The following NUP205 variants were observed in gnomAD, a reference collection of about 807,000 sequenced individuals.
NUP205 encodes nuclear pore complex protein Nup205.
A neutral mutation model predicts 253.8 loss-of-function variants in NUP205; 76 were observed. The ratio of observed to expected loss-of-function variants is 0.30; its 90% CI spans 0.25 to 0.36. The LOEUF is 0.36. NUP205 is among the 10% of genes least tolerant of loss of function. The probability of loss-of-function intolerance (pLI) is 1.00; values close to 1 mark genes in which losing one functional copy is unlikely to be tolerated. For synonymous variants in NUP205, 832 were observed against 850.1 expected (o/e 0.98, Z 0.37); for missense variants, 2,162 against 2,425.5 (o/e 0.89, Z 2.28).
intron 23 of NUP205, 122 bp from the exon 24 acceptor site, chr7:135,615,794 C>A: frequency 2.0e-6 from 1 of 512,590 alleles, no homozygotes; most frequent in Non-Finnish European, 3.2e-6. Context: ...TATTATGTTG[C>A]TGAGTTTCAT....
chr7:135,610,507 A>T (rs2129490930), intron 22 of NUP205, among the ~76,000 whole-genome samples: 1 of 152,316 alleles, frequency 6.6e-6, no homozygotes, highest in African/African-American at 2.4e-5. Context: ...GGCGTGAGCC[A>T]CCGTGCCCGG....
At chr7:135,583,066 G>A (rs187190131) in intron 7 of NUP205, among the ~76,000 whole-genome samples, 1,655 of 152,214 alleles carry the variant, frequency 0.011, 26 homozygotes, top group African/African-American at 0.037. Flanking sequence ...CTCCAGTCTC[G>A]GCGACAGAGC....
intron 1 of NUP205, among the ~76,000 whole-genome samples, chr7:135,564,864 T>C (rs1805704651): frequency 6.6e-6 from 1 of 151,934 alleles, no homozygotes; most frequent in African/African-American, 2.4e-5. Flanking sequence ...GCCTCCAGGT[T>C]CAAGCGATTC....
intron 1 of NUP205, among the ~76,000 whole-genome samples, chr7:135,570,276 C>T (rs1336354803): frequency 4.6e-5 from 7 of 151,760 alleles, no homozygotes; most frequent in East Asian, 1.9e-4. Context: ...TGCAGTGGCA[C>T]GATCCTGGCT....
rs775676082 is a variant in NUP205, at chr7:135,598,132, C to T, written c.2199C>T (p.Asp733=). Reference sequence around the variant, plus strand: ...CTGGACTGCGGCCCCCTGGCTTTGACCCTTATTTGCAGTTCCTTAGAGACT... The same window carrying T: ...CTGGACTGCGGCCCCCTGGCTTTGATCCTTATTTGCAGTTCCTTAGAGACT... ...LGAGLRPPGF[D]PYLQFLRDSV... is the part of the protein sequence containing the mutation. Residue 733 remains aspartate (D), a synonymous_variant, in exon 15 of 43, where the codon GAC becomes GAT. Transcript: ENST00000285968. The T allele has an allele frequency of 2.0e-5, 33 of 1,614,004 alleles. No homozygotes were observed. Among genetic ancestry groups the T allele is most frequent in the Non-Finnish European group, 2.8e-5 (33 of 1,180,018 alleles).
intron 30 of NUP205, 24 bp downstream of exon 30, chr7:135,619,912 CT>C: frequency 6.9e-7 from 1 of 1,445,298 alleles, no homozygotes; most frequent in Non-Finnish European, 9.6e-7. Context: ...AATTCCTAAT[CT>C]TTTCTGGATT....
Position 135,614,164 on chromosome 7 carries a change from A to G in NUP205, c.3201A>G (p.Ile1067Met), listed in dbSNP as rs150125028. ...TTCTTACTTTAATGCTTTAGGTCAT[A>G]TATCAGTTATGTGCATGCTCTGATA... The part of the protein sequence containing the change: ...PQLAELCYQV[I>M]YQLCACSDTS... Residue 1067 changes from isoleucine to methionine, a missense_variant, in exon 23 of 43, where the codon ATA becomes ATG. Transcript: ENST00000285968. 3 of 1,543,736 alleles carry G rather than the reference A, an allele frequency of 1.9e-6. No individual in the cohort carries two copies. Among genetic ancestry groups the G allele is most frequent in the East Asian group, 2.3e-5 (1 of 44,354 alleles).
chr7:135,604,311 G>C (rs746555300), intron 18 of NUP205, 29 bp from the exon 19 acceptor site: 20 of 1,569,872 alleles, frequency 1.3e-5, no homozygotes, highest in Non-Finnish European at 1.7e-5. Flanking sequence ...TTTTATCACT[G>C]TTCCTCAAAT....
In NUP205 at chr7:135,643,249, A is replaced by G. The variant is rs1794947637; in HGVS notation, c.5450A>G (p.Tyr1817Cys). 1.2e-6 allele frequency: 2 copies of G among 1,613,980 alleles called. No homozygotes were observed. Among genetic ancestry groups the G allele is most frequent in the Non-Finnish European group, 1.7e-6 (2 of 1,179,980 alleles). Residue 1817 changes from tyrosine to cysteine, a missense_variant, in exon 39 of 43, where the codon TAC (tyrosine) becomes TGC (cysteine). Tyr to Cys is a radical substitution (Grantham distance 194, BLOSUM62 -2). Coordinates refer to ENST00000285968, the MANE Select transcript of NUP205 (RefSeq NM_015135.3). ...CTGCCTGGTTTAGGCATTATCATCT[A>G]CCTGCTGAAACAGAGTGCTAATGAT... ...WRLPGLGIIIYLLKQSANDFF... is the reference protein window; with the variant it reads ...WRLPGLGIIICLLKQSANDFF...
At chr7:135,599,409 C>A (rs557756165) in intron 15 of NUP205, among the ~76,000 whole-genome samples, 1 of 151,930 alleles carries the variant, frequency 6.6e-6, no homozygotes, top group African/African-American at 2.4e-5. Flanking sequence ...AAAATAAACA[C>A]TGAGGTGGGG....
Position 135,617,203 on chromosome 7 carries a change from T to C in NUP205, c.3646T>C (p.Cys1216Arg), listed in dbSNP as rs751976436. 5 of 1,613,990 alleles carry C rather than the reference T, an allele frequency of 3.1e-6. No homozygotes were observed. Among genetic ancestry groups the C allele is most frequent in the Non-Finnish European group, 4.2e-6 (5 of 1,179,886 alleles). Residue 1216 changes from cysteine to arginine, a missense_variant, in exon 26 of 43, where the codon TGT becomes CGT. Physicochemically the swap from Cys to Arg is radical, Grantham distance 180 (BLOSUM62 -3). Around this residue, in one of 5 missense-constraint regions of NUP205, gnomAD observed 1,144 missense variants for 1,280.9 expected, o/e 0.89. Transcript: ENST00000285968. ...RAQIEQVIAN[C>R]EHKNLRGQTV... ...CCAGATTGAACAAGTTATTGCTAAC[T>C]GTGAACACAAGAATTTACGGGGACA...
chr7:135,637,046 T>C (rs556971034), intron 36 of NUP205, among the ~76,000 whole-genome samples: 1 of 152,346 alleles, frequency 6.6e-6, no homozygotes, highest in African/African-American at 2.4e-5. Context: ...GTGTATTATG[T>C]ACGTGTATAC....
intron 16 of NUP205, 54 bp downstream of exon 16, chr7:135,601,023 A>T (rs1793955076): frequency 1.1e-6 from 1 of 915,108 alleles, no homozygotes; most frequent in Non-Finnish European, 1.7e-6. Context: ...TAATTTATAA[A>T]TTATGGCTAT....
chr7:135,585,715 G>T (rs1806443573), intron 8 of NUP205, among the ~76,000 whole-genome samples: 1 of 151,950 alleles, frequency 6.6e-6, no homozygotes, highest in South Asian at 2.1e-4. Context: ...CCACACCTGG[G>T]TAGTTTTTTG....
At chr7:135,581,820 T>G (rs1030362113) in intron 7 of NUP205, among the ~76,000 whole-genome samples, 19 of 151,996 alleles carry the variant, frequency 1.3e-4, no homozygotes, top group Admixed American at 1.2e-3. Context: ...GCCACTGCAC[T>G]TTAGCCTGGG....
chr7:135,645,133 TTC>T, intron 40 of NUP205, 115 bp downstream of exon 40: 1 of 1,229,554 alleles, frequency 8.1e-7, no homozygotes, highest in Non-Finnish European at 1.1e-6. Flanking sequence ...ACTTAATTTT[TTC>T]CCAGTAAATG....
chr7:135,596,512 C>G (rs1034661288), intron 13 of NUP205, among the ~76,000 whole-genome samples: 2 of 152,080 alleles, frequency 1.3e-5, no homozygotes, highest in African/African-American at 4.8e-5. Context: ...AGGATTCTAC[C>G]TAATTAGTAT....
chr7:135,621,638 A>G (rs1269574237), intron 30 of NUP205, among the ~76,000 whole-genome samples: 2 of 152,196 alleles, frequency 1.3e-5, no homozygotes, highest in Non-Finnish European at 1.5e-5. Flanking sequence ...GTATGATCAT[A>G]CTGTTCCTAA....
At chr7:135,589,105 G>C (rs2129490189) in intron 10 of NUP205, among the ~76,000 whole-genome samples, 1 of 150,534 alleles carries the variant, frequency 6.6e-6, no homozygotes, top group African/African-American at 2.4e-5. Context: ...CGGGGTTTGA[G>C]GTTACAGTGA....
Sources: gnomAD v4.1 joint callset for allele counts (sites outside exome capture counted in the v4.1 genomes callset) on GRCh38, gnomAD v4.1.1 for gene constraint, gnomAD v4.1.1 regional missense constraint, MANE v1.5 for transcripts, NCBI Gene and HGNC (gene_info 2026-07-23, HGNC 2026-07-21) for gene names.